Variants in NTM observed in about 807,000 individuals in gnomAD.
NTM encodes IgLON family member 2.
NTM carries 13 observed loss-of-function variants against 42.1 expected under a neutral mutation model. The ratio of observed to expected loss-of-function variants is 0.31; its 90% CI spans 0.20 to 0.49. The LOEUF (loss-of-function observed/expected upper bound fraction) is 0.49. Ranked by LOEUF, NTM falls within the 20% of genes least tolerant of loss-of-function variation. The probability of loss-of-function intolerance (pLI) is 0.99; values close to 1 mark genes in which losing one functional copy is unlikely to be tolerated. For synonymous variants in NTM, 187 were observed against 179.2 expected, an observed-to-expected ratio of 1.04 and a Z score of -0.35; for missense variants, 373 against 452.8, an observed-to-expected ratio of 0.82 and a Z score of 1.60.
rs1247052619 is a variant in NTM, at chr11:131,500,764, A to G, written c.82+129876A>G. ...CCCACCCCACAACAGGCCTCGGTGT[A>G]TGATGTTCCCCTTCCTGTGTCCAAG... On this transcript the variant is annotated intron_variant, in intron 1 of 8. Transcript: ENST00000683400. Among the ~76,000 whole-genome samples the G allele has an allele frequency of 3.7e-5, 4 of 109,128 alleles. No homozygotes were observed. The East Asian group carries it at 8.8e-4, about 24-fold the overall frequency. The allele number at this position is 109,128 out of a possible 152,430, so 71.6% of individuals were successfully genotyped here. A position where few individuals can be genotyped will look rare whatever the true frequency, so the allele number is the denominator to read the frequency against.
chr11:132,250,338 C>T (rs1023646302), intron 4 of NTM, among the ~76,000 whole-genome samples: 13 of 152,244 alleles, frequency 8.5e-5, no homozygotes, highest in East Asian at 1.9e-4. Flanking sequence ...TGCAAGTTCA[C>T]GATGCTGTGT....
intron 1 of NTM, among the ~76,000 whole-genome samples, chr11:131,739,213 GT>G (rs1159994143): frequency 6.6e-6 from 1 of 151,102 alleles, no homozygotes; most frequent in Non-Finnish European, 1.5e-5. Context: ...AGAGTCCAGT[GT>G]TAATAGTGTT....
chr11:131,687,017 G>T (rs1283625612), intron 1 of NTM, among the ~76,000 whole-genome samples: 1 of 152,158 alleles, frequency 6.6e-6, no homozygotes, highest in Non-Finnish European at 1.5e-5. Context: ...TTCTGCCCCA[G>T]TTCGGGACAA....
chr11:132,313,636 G>A (rs1344391802), intron 6 of NTM, among the ~76,000 whole-genome samples: 3 of 152,166 alleles, frequency 2.0e-5, no homozygotes, highest in Non-Finnish European at 4.4e-5. Flanking sequence ...ATCCATGATC[G>A]CCATAGGAAT....
chr11:131,654,085 G>T (rs1034945176), intron 1 of NTM, among the ~76,000 whole-genome samples: 2 of 152,182 alleles, frequency 1.3e-5, no homozygotes, highest in Admixed American at 6.5e-5. Flanking sequence ...GACTGTAACC[G>T]GTGATGGTGG....
intron 1 of NTM, among the ~76,000 whole-genome samples, chr11:131,560,175 A>G (rs2056036588): frequency 6.6e-6 from 1 of 152,200 alleles, no homozygotes; most frequent in Non-Finnish European, 1.5e-5. Flanking sequence ...TTTGCAACTC[A>G]CAGACAGAAG....
Position 131,370,764 on chromosome 11 carries a change from C to A in NTM, c.-43C>A, listed in dbSNP as rs114396172. 1.7e-5 allele frequency: 26 copies of A among 1,544,050 alleles called. No individual in the cohort carries two copies. The Admixed American group carries it at 3.3e-4, about 20-fold the overall frequency. On this transcript the variant is annotated 5_prime_UTR_variant, in exon 1 of 9. Transcript: ENST00000683400. ...ATCAGGAAAGAAAGAAAGAAAAAAA[C>A]CGAACCTGACAAAAAAGAAGAAAAA...
chr11:131,899,665 C>T (rs970779339), intron 1 of NTM, among the ~76,000 whole-genome samples: 8 of 152,258 alleles, frequency 5.3e-5, no homozygotes, highest in African/African-American at 1.9e-4. Flanking sequence ...GTATATCACA[C>T]GTTAATTTAT....
chr11:131,788,668 A>C (rs1014800195), intron 1 of NTM, among the ~76,000 whole-genome samples: 23 of 152,044 alleles, frequency 1.5e-4, no homozygotes, highest in African/African-American at 5.6e-4. Context: ...ATCCTCCCTC[A>C]TTAGATGTAA....
At chr11:132,019,189 A>T in intron 2 of NTM, among the ~76,000 whole-genome samples, 1 of 149,718 alleles carries the variant, frequency 6.7e-6, no homozygotes, top group African/African-American at 2.5e-5. Context: ...TTATTATATC[A>T]CTTGTTCTGT....
intron 2 of NTM, among the ~76,000 whole-genome samples, chr11:132,067,711 C>T (rs775831407): frequency 5.3e-5 from 8 of 152,226 alleles, no homozygotes; most frequent in Non-Finnish European, 1.0e-4. Context: ...AGGCTAATTT[C>T]ACTGCCCTCT....
At chr11:132,158,142 TG>T (rs1471268975) in intron 3 of NTM, among the ~76,000 whole-genome samples, 1 of 152,230 alleles carries the variant, frequency 6.6e-6, no homozygotes, top group Non-Finnish European at 1.5e-5. Context: ...ATCCCTACTG[TG>T]GCCTAAAAGG....
At chr11:132,076,723 A>C (rs1199017213) in intron 2 of NTM, among the ~76,000 whole-genome samples, 1 of 152,116 alleles carries the variant, frequency 6.6e-6, no homozygotes, top group East Asian at 1.9e-4. Flanking sequence ...GGAATCTCTC[A>C]ACCTCATTTT....
intron 1 of NTM, among the ~76,000 whole-genome samples, chr11:131,571,981 A>G (rs1170265777): frequency 1.3e-5 from 2 of 152,188 alleles, no homozygotes; most frequent in African/African-American, 2.4e-5. Context: ...TGAAACAACA[A>G]CCACAGCAAT....
At chr11:131,477,698 C>G (rs569760224) in intron 1 of NTM, among the ~76,000 whole-genome samples, 3 of 152,036 alleles carry the variant, frequency 2.0e-5, no homozygotes, top group African/African-American at 7.2e-5. Context: ...AATACTATTT[C>G]CCAGAGAGAT....
intron 1 of NTM, among the ~76,000 whole-genome samples, chr11:131,607,560 C>T (rs1013707165): frequency 9.2e-5 from 14 of 152,072 alleles, no homozygotes; most frequent in African/African-American, 3.4e-4. Flanking sequence ...CCTCTCTCTC[C>T]TGGGGTAGGG....
At chr11:131,660,253 G>T (rs1175807686) in intron 1 of NTM, 2 of 342,840 alleles carry the variant, frequency 5.8e-6, no homozygotes, top group Non-Finnish European at 5.9e-6. Context: ...TCAGGTGGTT[G>T]TTGGCCTCAG....
chr11:131,929,721 C>T (rs186611455), intron 2 of NTM, among the ~76,000 whole-genome samples: 42 of 152,238 alleles, frequency 2.8e-4, no homozygotes, highest in Non-Finnish European at 5.9e-4. Context: ...GACGCCACTT[C>T]CAATGGTCAT....
chr11:132,166,572 C>G (rs2075308361), intron 3 of NTM, among the ~76,000 whole-genome samples: 1 of 152,188 alleles, frequency 6.6e-6, no homozygotes, highest in African/African-American at 2.4e-5. Context: ...GAATGCTATG[C>G]AATCCACATA....
Sources: gnomAD v4.1 joint callset for allele counts (sites outside exome capture counted in the v4.1 genomes callset) on GRCh38, gnomAD v4.1.1 for gene constraint, MANE v1.5 for transcripts, NCBI Gene and HGNC (gene_info 2026-07-23, HGNC 2026-07-21) for gene names.